Variants in LARP1B observed in about 807,000 individuals in gnomAD.
The protein encoded by LARP1B is la-related protein 1B.
A neutral mutation model predicts 114.2 loss-of-function variants in LARP1B; 76 were observed. That is an observed-to-expected ratio of 0.67 (90% CI 0.55 to 0.81). The LOEUF (loss-of-function observed/expected upper bound fraction) is 0.81. LARP1B is among the 30% of genes least tolerant of loss of function. The pLI, the probability that LARP1B is intolerant of heterozygous loss-of-function variation, is 0.00. For synonymous variants in LARP1B, 345 were observed against 348.0 expected, an observed-to-expected ratio of 0.99 and a Z score of 0.10; for missense variants, 1,014 against 1,075.8, an observed-to-expected ratio of 0.94 and a Z score of 0.80.
chr4:128,111,042 A>G (rs1022465363), intron 9 of LARP1B, among the ~76,000 whole-genome samples: 2 of 148,150 alleles, frequency 1.3e-5, no homozygotes, highest in Non-Finnish European at 1.5e-5. Flanking sequence ...AAAAACTCAT[A>G]ATTTTTTTTT....
At chr4:128,111,234 G>T (rs998473116) in intron 9 of LARP1B, among the ~76,000 whole-genome samples, 2 of 151,916 alleles carry the variant, frequency 1.3e-5, no homozygotes, top group African/African-American at 4.8e-5. Flanking sequence ...TTTTAGTAGA[G>T]ACGGGGTTTC....
intron 7 of LARP1B, among the ~76,000 whole-genome samples, chr4:128,091,824 C>G (rs940548509): frequency 6.6e-6 from 1 of 152,048 alleles, no homozygotes; most frequent in East Asian, 1.9e-4. Flanking sequence ...ATTGAACTCC[C>G]GGCCTCAGCT....
chr4:128,170,018 C>A (rs1474431841), intron 12 of LARP1B, among the ~76,000 whole-genome samples: 1 of 152,008 alleles, frequency 6.6e-6, no homozygotes, highest in Non-Finnish European at 1.5e-5. Context: ...AATTTTTATT[C>A]TTTTCAAAAC....
chr4:128,105,076 T>G (rs1018938672), intron 8 of LARP1B, among the ~76,000 whole-genome samples: 4 of 96,298 alleles, frequency 4.2e-5, no homozygotes, highest in South Asian at 4.7e-4. Flanking sequence ...GTTTTTTTTT[T>G]GTTTTTTTTT....
At chr4:128,108,654 G>C in intron 9 of LARP1B, 1 of 984,774 alleles carries the variant, frequency 1.0e-6, no homozygotes, top group South Asian at 4.7e-5. Context: ...TTTAGCTAGT[G>C]GTTTTTAATT....
intron 5 of LARP1B, among the ~76,000 whole-genome samples, chr4:128,083,422 C>G (rs375029901): frequency 1.3e-4 from 19 of 150,936 alleles, no homozygotes; most frequent in Non-Finnish European, 2.5e-4. Context: ...ACCTCCCGGA[C>G]GGGGCGGCTG....
chr4:128,098,684 C>G (rs987512827), intron 8 of LARP1B, among the ~76,000 whole-genome samples: 4 of 138,136 alleles, frequency 2.9e-5, no homozygotes, highest in African/African-American at 1.1e-4. Flanking sequence ...AGTACAACGG[C>G]GCAATCAAAC....
chr4:128,077,887 C>T lies in LARP1B; in HGVS notation c.142C>T (p.Arg48Trp), dbSNP rs373095381. 42 of 1,613,208 alleles carry T rather than the reference C, an allele frequency of 2.6e-5. No individual in the cohort carries two copies. Among genetic ancestry groups the T allele is most frequent in the African/African-American group, 5.3e-5 (4 of 74,972 alleles). ...KRSNSDSKEN[R>W]ETKLNGPGEN... is the part of the protein sequence containing the mutation. Reference sequence around the variant, plus strand: ...AAGTAACAGTGACAGCAAAGAAAACCGGGAAACAAAATTAAATGGTCCTGG... The same window carrying T: ...AAGTAACAGTGACAGCAAAGAAAACTGGGAAACAAAATTAAATGGTCCTGG... Residue 48 changes from arginine to tryptophan, a missense_variant, in exon 4 of 20, where the codon CGG becomes TGG. Coordinates refer to ENST00000326639, the MANE Select transcript of LARP1B (RefSeq NM_018078.4).
intron 8 of LARP1B, among the ~76,000 whole-genome samples, chr4:128,102,593 G>A (rs1456388825): frequency 6.6e-6 from 1 of 152,054 alleles, no homozygotes; most frequent in Non-Finnish European, 1.5e-5. Context: ...GTATGCAAAC[G>A]CAAACCAAAC....
At chr4:128,136,014 C>T (rs1725090080) in intron 11 of LARP1B, among the ~76,000 whole-genome samples, 1 of 151,826 alleles carries the variant, frequency 6.6e-6, no homozygotes, top group African/African-American at 2.4e-5. Context: ...ACACATAGGC[C>T]AGGTGCGGTG....
downstream of LARP1B, among the ~76,000 whole-genome samples, chr4:128,214,117 C>T (rs868496158): frequency 3.5e-5 from 5 of 142,914 alleles, no homozygotes; most frequent in Non-Finnish European, 7.8e-5. Flanking sequence ...CGGCGCACCA[C>T]GAGACTATAT....
At position 128,143,537 on chromosome 4, in the gene LARP1B, T is replaced by TA. The variant is rs1561392854; in HGVS notation, c.1525-18654dup. ...AAATGGTGGGGTGGGTGGAGCTAATTAAACTGGAAAATCTAGGCAGAAGAG... is the reference window on the plus strand; with the variant it reads ...AAATGGTGGGGTGGGTGGAGCTAATTAAAACTGGAAAATCTAGGCAGAAGAG... On this transcript the variant is annotated intron_variant, in intron 11 of 19. Coordinates refer to ENST00000326639, the MANE Select transcript of LARP1B (RefSeq NM_018078.4). Among the ~76,000 whole-genome samples the TA allele has an allele frequency of 1.4e-3, 210 of 151,974 alleles. 1 individual carries two copies. Among genetic ancestry groups the TA allele is most frequent in the Admixed American group, 0.013 (198 of 15,268 alleles).
At chr4:128,110,091 AT>A (rs1198751687) in intron 9 of LARP1B, among the ~76,000 whole-genome samples, 3 of 152,052 alleles carry the variant, frequency 2.0e-5, no homozygotes, top group Non-Finnish European at 2.9e-5. Flanking sequence ...TTTAGTAGAG[AT>A]GGAGTTTCAC....
chr4:128,218,980 C>A (rs1165373561), intron 6 of LARP1B, among the ~76,000 whole-genome samples: 1 of 81,412 alleles, frequency 1.2e-5, no homozygotes, highest in Non-Finnish European at 2.4e-5. Context: ...AAAAAGTGGG[C>A]GAAGGACATG....
chr4:128,165,243 A>C (rs1252392062), intron 12 of LARP1B, among the ~76,000 whole-genome samples: 1 of 151,732 alleles, frequency 6.6e-6, no homozygotes, highest in Admixed American at 6.6e-5. Context: ...GGTCGGTATG[A>C]GTGTGTATCA....
intron 8 of LARP1B, among the ~76,000 whole-genome samples, chr4:128,101,108 G>A (rs765941240): frequency 2.0e-5 from 3 of 150,142 alleles, no homozygotes; most frequent in Non-Finnish European, 4.4e-5. Context: ...ATGAGCCACC[G>A]CGCCTGGCTT....
At chr4:128,167,045 TAC>T (rs546984242) in intron 12 of LARP1B, among the ~76,000 whole-genome samples, 51 of 148,284 alleles carry the variant, frequency 3.4e-4, no homozygotes, top group East Asian at 1.4e-3. Context: ...TACGTATATA[TAC>T]ACACACACAC....
chr4:128,104,538 A>G (rs1190056290), intron 8 of LARP1B, among the ~76,000 whole-genome samples: 1 of 151,552 alleles, frequency 6.6e-6, no homozygotes, highest in Non-Finnish European at 1.5e-5. Context: ...TCCACCTCCC[A>G]GTTTCAAGCG....
rs930347790 is a variant in LARP1B at position 128,092,879 on chromosome 4, C to T, written c.668+1367C>T. On this transcript the variant is annotated intron_variant, in intron 7 of 19. Transcript: ENST00000326639. ...ATTACTGTCTTTTTTGTAACTTTTGCTGCCAAGTCCCTTCTGAGACCTGAC... is the reference window on the plus strand; with the variant it reads ...ATTACTGTCTTTTTTGTAACTTTTGTTGCCAAGTCCCTTCTGAGACCTGAC... 9.1e-6 allele frequency: 9 copies of T among 985,278 alleles called. No individual in the cohort carries two copies. In the African/African-American group the frequency reaches 1.6e-4, roughly 17 times the overall value. 61.0% of individuals were successfully genotyped at this position (985,278 alleles called of 1,614,324 possible). A position where few individuals can be genotyped will look rare whatever the true frequency, so the allele number is the denominator to read the frequency against.
Sources: allele counts gnomAD v4.1 joint callset (sites outside exome capture counted in the v4.1 genomes callset), GRCh38; gene constraint gnomAD v4.1.1; transcripts MANE v1.5; gene names NCBI Gene and HGNC (gene_info 2026-07-23, HGNC 2026-07-21).